The following MARCHF8 variants were observed in gnomAD, a reference collection of about 807,000 sequenced individuals.
MARCHF8 encodes the protein E3 ubiquitin-protein ligase MARCHF8.
A neutral mutation model predicts 51.6 loss-of-function variants in MARCHF8; 40 were observed. That is an observed-to-expected ratio of 0.77 (90% CI 0.60 to 1.01). MARCHF8 has a LOEUF of 1.01. Ranked by LOEUF, MARCHF8 falls within the 50% of genes least tolerant of loss-of-function variation. The probability of loss-of-function intolerance (pLI) is 0.00; values close to 1 mark genes in which losing one functional copy is unlikely to be tolerated. For synonymous variants in MARCHF8, 263 were observed against 280.3 expected (o/e 0.94, Z 0.62); for missense variants, 685 against 708.6 (o/e 0.97, Z 0.38).
intron 1 of MARCHF8, among the ~76,000 whole-genome samples, chr10:45,586,376 G>A (rs1475413781): frequency 1.3e-5 from 2 of 152,118 alleles, no homozygotes; most frequent in Non-Finnish European, 2.9e-5. Flanking sequence ...TAGTGACACT[G>A]TGCAATTCAC....
At chr10:45,567,548 G>GT (rs1316758792) in intron 1 of MARCHF8, among the ~76,000 whole-genome samples, 1 of 152,102 alleles carries the variant, frequency 6.6e-6, no homozygotes, top group East Asian at 1.9e-4. Context: ...TTTCCCCAGA[G>GT]TATGTTCTTG....
intron 1 of MARCHF8, among the ~76,000 whole-genome samples, chr10:45,591,933 A>G (rs942775884): frequency 6.6e-5 from 10 of 152,172 alleles, no homozygotes; most frequent in Admixed American, 2.0e-4. Context: ...TTTCTTCCAT[A>G]TATCAATCTG....
intron 1 of MARCHF8, among the ~76,000 whole-genome samples, chr10:45,533,624 G>A (rs1001769133): frequency 1.3e-5 from 2 of 151,568 alleles, no homozygotes; most frequent in African/African-American, 4.9e-5. Flanking sequence ...TTTTTATCAT[G>A]ACCAAGCATT....
intron 2 of MARCHF8, among the ~76,000 whole-genome samples, chr10:45,497,800 T>C (rs2043199616): frequency 6.6e-6 from 1 of 152,216 alleles, no homozygotes; most frequent in South Asian, 2.1e-4. Flanking sequence ...CTTAGGGGGA[T>C]ATTTATAGCT....
chr10:45,488,065 C>T (rs1002365781), intron 3 of MARCHF8, among the ~76,000 whole-genome samples: 3 of 152,078 alleles, frequency 2.0e-5, no homozygotes, highest in Admixed American at 2.0e-4. Flanking sequence ...AAGCTCACTG[C>T]ATCAGATACA....
chr10:45,545,759 G>A (rs1328906387), intron 1 of MARCHF8, among the ~76,000 whole-genome samples: 6 of 152,108 alleles, frequency 3.9e-5, no homozygotes, highest in African/African-American at 7.2e-5. Context: ...ACAGCTGAAC[G>A]AGAGCCCAAA....
In MARCHF8 at chr10:45,563,179, A is replaced by C. The variant is rs118124609; in HGVS notation, c.-78-29890T>G. Among the ~76,000 whole-genome samples, 575 of 152,180 alleles carry C rather than the reference A, an allele frequency of 3.8e-3. 11 individuals carry two copies. The East Asian group carries it at 0.053, about 14-fold the overall frequency. ...GTAGCTGGGACTACAGGCCTGCACCACCATACCTGGGTAATTTTTTTATTT... is the reference window on the plus strand; with the variant it reads ...GTAGCTGGGACTACAGGCCTGCACCCCCATACCTGGGTAATTTTTTTATTT... On this transcript the variant is annotated intron_variant, in intron 1 of 6. Coordinates refer to the MARCHF8 transcript ENST00000319836.
intron 1 of MARCHF8, among the ~76,000 whole-genome samples, chr10:45,549,109 G>C (rs1052445061): frequency 3.3e-5 from 5 of 152,134 alleles, no homozygotes; most frequent in Admixed American, 6.5e-5. Context: ...TAACGAAAGG[G>C]GGATGAAGGA....
intron 1 of MARCHF8, among the ~76,000 whole-genome samples, chr10:45,547,879 A>T (rs1404743798): frequency 6.6e-6 from 1 of 152,246 alleles, no homozygotes; most frequent in Non-Finnish European, 1.5e-5. Flanking sequence ...TAGATATTTC[A>T]AAAGTGGGTT....
chr10:45,533,517 T>C (rs977331207), intron 1 of MARCHF8, among the ~76,000 whole-genome samples: 8 of 152,210 alleles, frequency 5.3e-5, no homozygotes, highest in Non-Finnish European at 1.2e-4. Flanking sequence ...ATCACGTACA[T>C]GTATAATCAG....
At chr10:45,521,985 C>A (rs944529879) in intron 2 of MARCHF8, among the ~76,000 whole-genome samples, 2 of 152,134 alleles carry the variant, frequency 1.3e-5, no homozygotes, top group African/African-American at 2.4e-5. Flanking sequence ...CCAAAAAACA[C>A]ACCTTACAGG....
intron 2 of MARCHF8, among the ~76,000 whole-genome samples, chr10:45,499,570 T>G (rs1477101177): frequency 6.6e-6 from 1 of 152,206 alleles, no homozygotes; most frequent in South Asian, 2.1e-4. Flanking sequence ...TAGTTTTAAG[T>G]CTTAGATCCA....
intron 1 of MARCHF8, among the ~76,000 whole-genome samples, chr10:45,553,983 T>TA (rs1175069444): frequency 1.3e-5 from 2 of 152,182 alleles, no homozygotes; most frequent in Non-Finnish European, 2.9e-5. Flanking sequence ...CATAATTGTT[T>TA]AAAAAATAAT....
intron 3 of MARCHF8, among the ~76,000 whole-genome samples, chr10:45,476,464 A>G (rs531184306): frequency 6.6e-6 from 1 of 152,304 alleles, no homozygotes; most frequent in East Asian, 1.9e-4. Flanking sequence ...GCTACTCAGG[A>G]GGCTGAGGTG....
At chr10:45,581,445 C>G (rs1417965160) in intron 1 of MARCHF8, among the ~76,000 whole-genome samples, 1 of 152,164 alleles carries the variant, frequency 6.6e-6, no homozygotes, top group African/African-American at 2.4e-5. Flanking sequence ...CACACATTAC[C>G]TCCTCACTCA....
chr10:45,561,179 T>C (rs1027951619), intron 1 of MARCHF8, among the ~76,000 whole-genome samples: 5 of 151,764 alleles, frequency 3.3e-5, no homozygotes, highest in Non-Finnish European at 5.9e-5. Context: ...AATTACTATA[T>C]ACATAGAGAA....
intron 1 of MARCHF8, among the ~76,000 whole-genome samples, chr10:45,541,133 C>T (rs545647122): frequency 2.4e-4 from 36 of 152,206 alleles, no homozygotes; most frequent in South Asian, 8.3e-4. Flanking sequence ...ATGTTTATTG[C>T]GGCACTATTC....
chr10:45,472,586 T>TC (rs2042712997), intron 3 of MARCHF8, among the ~76,000 whole-genome samples: 2 of 152,232 alleles, frequency 1.3e-5, no homozygotes, highest in African/African-American at 4.8e-5. Context: ...GAAGATGCTA[T>TC]CCTGCATGTT....
intron 2 of MARCHF8, among the ~76,000 whole-genome samples, chr10:45,522,161 TA>T (rs571138153): frequency 1.3e-5 from 2 of 152,220 alleles, no homozygotes; most frequent in Non-Finnish European, 2.9e-5. Flanking sequence ...AAACTCTGCA[TA>T]TTAATTTAAT....
Sources: allele counts gnomAD v4.1 joint callset (sites outside exome capture counted in the v4.1 genomes callset), GRCh38; gene constraint gnomAD v4.1.1; transcripts MANE v1.5; gene names NCBI Gene and HGNC (gene_info 2026-07-23, HGNC 2026-07-21).